CPA6: variants seen among roughly 807,000 people sequenced by gnomAD.
CPA6 encodes carboxypeptidase B.
A neutral mutation model predicts 63.3 loss-of-function variants in CPA6; 58 were observed. That is an observed-to-expected ratio of 0.92 (90% CI 0.74 to 1.14). The LOEUF (loss-of-function observed/expected upper bound fraction) is 1.14. Among genes scored for constraint, CPA6 ranks in the 50% most tolerant of loss-of-function variants. The pLI is 0.00. For missense variants in CPA6, 565 were observed against 526.6 expected (o/e 1.07, Z -0.71); for synonymous variants, 185 against 179.0 (o/e 1.03, Z -0.27).
chr8:67,648,971 A>C (rs9643399), intron 1 of CPA6, among the ~76,000 whole-genome samples: 26,094 of 151,192 alleles, frequency 0.17, 2,352 homozygotes, highest in African/African-American at 0.22. Context: ...TTGGGGAGGG[A>C]ATTTTTTTTT....
chr8:67,677,933 A>C (rs1816512315), intron 1 of CPA6, among the ~76,000 whole-genome samples: 1 of 152,132 alleles, frequency 6.6e-6, no homozygotes, highest in Non-Finnish European at 1.5e-5. Context: ...TTCTTAAAAA[A>C]AACAACAAAA....
intron 1 of CPA6, among the ~76,000 whole-genome samples, chr8:67,688,906 C>T (rs916424321): frequency 6.6e-6 from 1 of 152,004 alleles, no homozygotes. Flanking sequence ...TTAAAAGGCT[C>T]CCATAGACTA....
chr8:67,498,110 T>C (rs796717892), intron 6 of CPA6, among the ~76,000 whole-genome samples: 1 of 152,326 alleles, frequency 6.6e-6, no homozygotes, highest in Middle Eastern at 3.4e-3. Flanking sequence ...AGATATCTGT[T>C]CACGTTTGCA....
At chr8:67,694,680 C>T (rs978800403) in intron 1 of CPA6, among the ~76,000 whole-genome samples, 5 of 152,194 alleles carry the variant, frequency 3.3e-5, no homozygotes, top group African/African-American at 9.7e-5. Context: ...AATCAGTTTA[C>T]AGAGGAAGAG....
chr8:67,537,936 G>A (rs1424735937), intron 2 of CPA6, among the ~76,000 whole-genome samples: 4 of 152,050 alleles, frequency 2.6e-5, no homozygotes, highest in Admixed American at 6.6e-5. Context: ...CCTTAATTTC[G>A]TTATTTACCC....
intron 1 of CPA6, among the ~76,000 whole-genome samples, chr8:67,743,959 T>C (rs913748523): frequency 6.6e-6 from 1 of 152,234 alleles, no homozygotes; most frequent in African/African-American, 2.4e-5. Context: ...AGAATAACTT[T>C]GGATGGATGA....
chr8:67,492,144 T>C lies in CPA6; in HGVS notation c.637-7355A>G, dbSNP rs533149525. ...ATAAATGGAGCTTAGAACAAATAGC[T>C]GACTAGGAATGTTGACACTGCAGCA... On this transcript the variant is annotated intron_variant, in intron 6 of 10. Coordinates refer to ENST00000297770, the MANE Select transcript of CPA6 (RefSeq NM_020361.5). Among the ~76,000 whole-genome samples the C allele has an allele frequency of 4.3e-4, 66 of 152,272 alleles. 1 individual carries two copies. The highest frequency in any genetic ancestry group is 1.2e-3 in the Admixed American group (19 of 15,282).
At chr8:67,696,684 A>C (rs1816918530) in intron 1 of CPA6, among the ~76,000 whole-genome samples, 1 of 152,220 alleles carries the variant, frequency 6.6e-6, no homozygotes, top group Non-Finnish European at 1.5e-5. Flanking sequence ...CTCAGCAATA[A>C]AGGGATTGAA....
intron 2 of CPA6, among the ~76,000 whole-genome samples, chr8:67,620,811 T>C (rs1815063339): frequency 6.6e-6 from 1 of 152,092 alleles, no homozygotes; most frequent in South Asian, 2.1e-4. Flanking sequence ...AATGAAGAAA[T>C]GTACAAAAAA....
At chr8:67,516,438 A>T (rs1178214480) in intron 3 of CPA6, among the ~76,000 whole-genome samples, 2 of 152,132 alleles carry the variant, frequency 1.3e-5, no homozygotes, top group Non-Finnish European at 2.9e-5. Flanking sequence ...CTCAGCCTAC[A>T]AATACACCAA....
At chr8:67,633,668 G>A (rs1442387817) in intron 1 of CPA6, among the ~76,000 whole-genome samples, 1 of 136,816 alleles carries the variant, frequency 7.3e-6, no homozygotes, top group African/African-American at 2.9e-5. Context: ...GCGACAGAGC[G>A]AGACTCCGTC....
chr8:67,661,034 A>T (rs955838890), intron 1 of CPA6, among the ~76,000 whole-genome samples: 1 of 152,210 alleles, frequency 6.6e-6, no homozygotes, highest in Non-Finnish European at 1.5e-5. Context: ...CCCTTTAGTC[A>T]TTTATTCAAG....
chr8:67,571,071 A>T lies in CPA6; in HGVS notation c.193-53024T>A, dbSNP rs1476902449. 4.5e-4 allele frequency among the ~76,000 whole-genome samples: 68 copies of T among 152,252 alleles called. 1 individual carries two copies. Among genetic ancestry groups the T allele is most frequent in the Admixed American group, 4.4e-3 (68 of 15,282 alleles). ...GATACTTGCTTGTATCAGACAAAAT[A>T]GATTTTAAGTAGAAAATTATACAAA... On this transcript the variant is annotated intron_variant, in intron 2 of 10. Coordinates refer to ENST00000297770, the MANE Select transcript of CPA6 (RefSeq NM_020361.5).
chr8:67,430,182 GTTTTT>G (rs11330654), intron 9 of CPA6, among the ~76,000 whole-genome samples: 3 of 118,006 alleles, frequency 2.5e-5, no homozygotes, highest in African/African-American at 6.1e-5. Context: ...TATATATTTT[GTTTTT>G]TTTTTTTTTT....
intron 2 of CPA6, among the ~76,000 whole-genome samples, chr8:67,529,198 G>T (rs1276588258): frequency 6.6e-6 from 1 of 151,970 alleles, no homozygotes; most frequent in Non-Finnish European, 1.5e-5. Flanking sequence ...ATGCCATCTT[G>T]CTTCCAAAAT....
chr8:67,669,974 G>A (rs1816307671), intron 1 of CPA6, among the ~76,000 whole-genome samples: 1 of 152,104 alleles, frequency 6.6e-6, no homozygotes, highest in Non-Finnish European at 1.5e-5. Flanking sequence ...CATTTAGGGT[G>A]ATTTCCTACT....
intron 1 of CPA6, among the ~76,000 whole-genome samples, chr8:67,700,775 T>C (rs1817007657): frequency 2.6e-5 from 4 of 152,296 alleles, no homozygotes; most frequent in Non-Finnish European, 4.4e-5. Flanking sequence ...ATTTTATATA[T>C]TGTTAGGAGG....
chr8:67,721,464 TG>T (rs1432968800), intron 1 of CPA6, among the ~76,000 whole-genome samples: 1 of 152,206 alleles, frequency 6.6e-6, no homozygotes, highest in Non-Finnish European at 1.5e-5. Flanking sequence ...AACTAGGATT[TG>T]TATACTAGTT....
At chr8:67,513,195 T>C (rs1380998435) in intron 3 of CPA6, among the ~76,000 whole-genome samples, 1 of 152,170 alleles carries the variant, frequency 6.6e-6, no homozygotes, top group Non-Finnish European at 1.5e-5. Context: ...CCATCTGTAT[T>C]AGTGCTTTCT....
Sources: allele counts gnomAD v4.1 joint callset (sites outside exome capture counted in the v4.1 genomes callset), GRCh38; gene constraint gnomAD v4.1.1; transcripts MANE v1.5; gene names NCBI Gene and HGNC (gene_info 2026-07-23, HGNC 2026-07-21).